SFXN4: variants seen among roughly 807,000 people sequenced by gnomAD.
The protein encoded by SFXN4 is sideroflexin-4.
A neutral mutation model predicts 54.6 loss-of-function variants in SFXN4; 48 were observed. The ratio of observed to expected loss-of-function variants is 0.88; its 90% CI spans 0.70 to 1.12. SFXN4 has a LOEUF of 1.12. Ranked by LOEUF, SFXN4 falls within the 50% of genes most tolerant of loss-of-function variation. SFXN4 has a pLI of 0.00. For synonymous variants in SFXN4, 130 were observed against 145.5 expected (o/e 0.89, Z 0.77); for missense variants, 383 against 409.2 (o/e 0.94, Z 0.55).
chr10:119,156,641 C>G, intron 10 of SFXN4, 37 bp downstream of exon 10: 3 of 1,514,056 alleles, frequency 2.0e-6, no homozygotes, highest in Non-Finnish European at 2.7e-6. Flanking sequence ...ACAAAGACAC[C>G]CCACCCAGAC....
At chr10:119,164,097 T>C (rs1847667153) in intron 2 of SFXN4, 34 bp downstream of exon 2, 4 of 1,186,562 alleles carry the variant, frequency 3.4e-6, no homozygotes, top group Admixed American at 2.4e-5. Context: ...CAAAATAAAA[T>C]GTGAAATTCA....
intron 3 of SFXN4, 167 bp downstream of exon 3, chr10:119,162,173 T>C (rs1847577411): frequency 1.6e-6 from 1 of 626,056 alleles, no homozygotes; most frequent in African/African-American, 1.8e-5. Context: ...GGGCAGTATA[T>C]AACAATGACA....
Position 119,141,327 on chromosome 10 carries a change from ATAGT to A in SFXN4, c.937-12_937-9del. The A allele has an allele frequency of 6.6e-7, 1 of 1,519,324 alleles. No individual in the cohort carries two copies. The highest frequency in any genetic ancestry group is 2.3e-5 in the East Asian group (1 of 44,102). The allele number at this position is 1,519,324 out of a possible 1,614,324, so 94.1% of individuals were successfully genotyped here. ...AAGACTACAGTACTGTATCTGAAAA[ATAGT>A]TAAATTCATAATGTTTCTATTAATA... On this transcript the variant is annotated splice_polypyrimidine_tract_variant and intron_variant, in intron 13 of 13. Coordinates refer to ENST00000355697, the MANE Select transcript of SFXN4 (RefSeq NM_213649.2).
Position 119,155,175 on chromosome 10 carries a change from G to A in SFXN4, c.619C>T (p.Gln207Ter). ...KRLLPVIFLV[Q>*]ASGMNVYMSR... ...ATGTAGACATTCATTCCACTGGCTT[G>A]CACTGTAGATGTAAAGAAGTAAAGA... The change falls in exon 11 of 14, where the codon CAA becomes TAA. Residue 207 changes from glutamine (Q) to a stop codon, truncating the protein, a stop_gained and splice_region_variant. Transcript: ENST00000355697. LOFTEE classifies it high-confidence loss of function. 6.2e-7 allele frequency: 1 copy of A among 1,608,978 alleles called. No individual in the cohort carries two copies. The highest frequency in any genetic ancestry group is 2.2e-5 in the East Asian group (1 of 44,860).
At chr10:119,159,583 T>C in intron 6 of SFXN4, 145 bp downstream of exon 6, 1 of 854,042 alleles carries the variant, frequency 1.2e-6, no homozygotes, top group Non-Finnish European at 2.0e-6. Context: ...ACAGCAGCCA[T>C]GGGTTATCAG....
Position 119,157,711 on chromosome 10 carries a change from G to T in SFXN4, c.494C>A (p.Ser165Ter). 6.2e-7 allele frequency: 1 copy of T among 1,609,706 alleles called. No homozygotes were observed. The highest frequency in any genetic ancestry group is 1.1e-5 in the South Asian group (1 of 89,792). Residue 165 changes from serine (S) to a stop codon, truncating the protein, a stop_gained, in exon 9 of 14, where the codon TCA (serine) becomes TAA (stop). Coordinates refer to ENST00000355697, the MANE Select transcript of SFXN4 (RefSeq NM_213649.2). LOFTEE classifies it high-confidence loss of function. ...RSYTCKPLER[S>*]LLMAGAVASS... ...AGCAACGGCTCCCGCCATTAGTAAT[G>T]ATCTTTCTAGTGGCTTACAAGTCTA...
chr10:119,157,619 C>G, intron 9 of SFXN4, 49 bp downstream of exon 9: 1 of 1,416,030 alleles, frequency 7.1e-7, no homozygotes. Flanking sequence ...ATAAAACTTC[C>G]TGGATTCTGA....
chr10:119,159,237 G>A (rs546733600), intron 6 of SFXN4, among the ~76,000 whole-genome samples: 36 of 152,160 alleles, frequency 2.4e-4, no homozygotes, highest in South Asian at 2.1e-3. Context: ...CTGAGATTGC[G>A]CCAGTGCACT....
In SFXN4 at chr10:119,165,547, G is replaced by A; in HGVS notation, c.101C>T (p.Thr34Ile). 4 of 1,585,168 alleles carry A rather than the reference G, an allele frequency of 2.5e-6. No individual in the cohort carries two copies. Among genetic ancestry groups the A allele is most frequent in the Non-Finnish European group, 3.4e-6 (4 of 1,169,048 alleles). The stretch of plus-strand genomic sequence containing the variant: ...GGGCCCGGGCCGTACTTGGCGCTCG[G>A]TGATCCAGAAGCGCACGTTGGGCTC... ...FIEPNVRFWI[T>I]ERQSFIRRFL... Residue 34 changes from threonine to isoleucine, a missense_variant, in exon 1 of 14, where the codon ACC becomes ATC. Physicochemically the swap from Thr to Ile is moderately conservative, Grantham distance 89 (BLOSUM62 -1). Transcript: ENST00000355697.
rs773320454 is a variant in SFXN4, at chr10:119,165,574, A to G, written c.74T>C (p.Ile25Thr). 13 of 1,593,478 alleles carry G rather than the reference A, an allele frequency of 8.2e-6. No individual in the cohort carries two copies. The highest frequency in any genetic ancestry group is 2.2e-5 in the South Asian group (2 of 90,392). Residue 25 changes from isoleucine (I) to threonine (T), a missense_variant, in exon 1 of 14, where the codon ATT becomes ACT. Coordinates refer to ENST00000355697, the MANE Select transcript of SFXN4 (RefSeq NM_213649.2). ...LGRRDAVPAF[I>T]EPNVRFWITE... ...GATCCAGAAGCGCACGTTGGGCTCAATGAAGGCGGGGACGGCGTCTCTGCG... is the reference window on the plus strand; with the variant it reads ...GATCCAGAAGCGCACGTTGGGCTCAGTGAAGGCGGGGACGGCGTCTCTGCG...
intron 3 of SFXN4, among the ~76,000 whole-genome samples, chr10:119,161,930 G>C (rs1445643887): frequency 1.3e-5 from 2 of 152,232 alleles, no homozygotes; most frequent in Non-Finnish European, 2.9e-5. Context: ...CTGCAAGGTA[G>C]ATAAGGAACA....
At chr10:119,162,255 T>G in intron 3 of SFXN4, 85 bp downstream of exon 3, 1 of 1,071,994 alleles carries the variant, frequency 9.3e-7, no homozygotes, top group Non-Finnish European at 1.4e-6. Context: ...AGACAGAGAT[T>G]AATGGCCAAA....
At chr10:119,163,039 C>T (rs980825737) in intron 2 of SFXN4, among the ~76,000 whole-genome samples, 2 of 152,256 alleles carry the variant, frequency 1.3e-5, no homozygotes, top group Admixed American at 1.3e-4. Flanking sequence ...CTCGAGAGAT[C>T]CTCCCATCTC....
At chr10:119,156,911 G>A (rs1368561519) in intron 9 of SFXN4, among the ~76,000 whole-genome samples, 155 bp from the exon 10 acceptor site, 3 of 152,104 alleles carry the variant, frequency 2.0e-5, no homozygotes, top group African/African-American at 7.2e-5. Context: ...CAACGTGGAG[G>A]TCCTCTCCCT....
At chr10:119,144,900 A>T (rs1468603505) in intron 13 of SFXN4, among the ~76,000 whole-genome samples, 1 of 152,216 alleles carries the variant, frequency 6.6e-6, no homozygotes, top group Non-Finnish European at 1.5e-5. Flanking sequence ...TCTATTATAG[A>T]ACATTTCCAT....
chr10:119,146,464 C>CACGT (rs1554885845), intron 12 of SFXN4, 111 bp from the exon 13 acceptor site: 3 of 488,166 alleles, frequency 6.1e-6, no homozygotes, highest in South Asian at 3.5e-5. Context: ...TGTGTGTGCA[C>CACGT]GTGTGTGTGT....
chr10:119,157,318 C>A (rs1266434031), intron 9 of SFXN4, among the ~76,000 whole-genome samples: 2 of 151,366 alleles, frequency 1.3e-5, no homozygotes, highest in Non-Finnish European at 1.5e-5. Context: ...GTAGTCCCGG[C>A]TACTCGGAAG....
intron 10 of SFXN4, 72 bp downstream of exon 10, chr10:119,156,606 G>T: frequency 8.3e-7 from 1 of 1,204,000 alleles, no homozygotes; most frequent in Admixed American, 2.0e-5. Context: ...AGGTGCCTCT[G>T]GAGATGAAGG....
At chr10:119,153,811 A>G (rs1847169463) in intron 11 of SFXN4, among the ~76,000 whole-genome samples, 1 of 152,204 alleles carries the variant, frequency 6.6e-6, no homozygotes, top group Non-Finnish European at 1.5e-5. Flanking sequence ...TATTTAATCC[A>G]GCACTCATCT....
Sources: gnomAD v4.1 joint callset for allele counts (sites outside exome capture counted in the v4.1 genomes callset) on GRCh38, gnomAD v4.1.1 for gene constraint, MANE v1.5 for transcripts, NCBI Gene and HGNC (gene_info 2026-07-23, HGNC 2026-07-21) for gene names.